Variants in NEK6 observed in about 807,000 individuals in gnomAD.
NEK6 encodes NIMA related kinase 6.
In NEK6, 27 loss-of-function variants were observed where a neutral mutation model predicts 43.5. The ratio of observed to expected loss-of-function variants is 0.62; its 90% CI spans 0.46 to 0.86. NEK6 has a LOEUF of 0.86. NEK6 is among the 40% of genes least tolerant of loss of function. NEK6 has a pLI of 0.00. For synonymous variants in NEK6, 167 were observed against 164.1 expected, an observed-to-expected ratio of 1.02 and a Z score of -0.14; for missense variants, 318 against 414.4, an observed-to-expected ratio of 0.77 and a Z score of 2.02.
At chr9:124,304,202 C>T (rs917616368) in intron 2 of NEK6, among the ~76,000 whole-genome samples, 1 of 152,256 alleles carries the variant, frequency 6.6e-6, no homozygotes, top group African/African-American at 2.4e-5. Context: ...CTCCTCGGCT[C>T]CTGAAGCCTT....
intron 7 of NEK6, among the ~76,000 whole-genome samples, chr9:124,330,271 AGG>A (rs1241585758): frequency 3.9e-5 from 6 of 152,264 alleles, no homozygotes; most frequent in African/African-American, 1.4e-4. Context: ...CATATTTGTC[AGG>A]AAGGATTGCA....
intron 1 of NEK6, among the ~76,000 whole-genome samples, chr9:124,280,433 A>C (rs749466478): frequency 6.6e-6 from 1 of 152,368 alleles, no homozygotes; most frequent in East Asian, 1.9e-4. Context: ...CGAGCACTCC[A>C]GGAGAGGGTA....
chr9:124,289,958 G>A (rs909641221), intron 1 of NEK6, among the ~76,000 whole-genome samples: 5 of 152,178 alleles, frequency 3.3e-5, no homozygotes, highest in East Asian at 1.9e-4. Context: ...CCACTCCTGC[G>A]GAGCTAAAAA....
intron 1 of NEK6, 144 bp from the exon 2 acceptor site, chr9:124,301,792 A>G (rs1041236040): frequency 1.4e-6 from 1 of 690,386 alleles, no homozygotes; most frequent in African/African-American, 1.8e-5. Context: ...TAGCCCTGCC[A>G]CTTCGGAGCT....
At chr9:124,330,315 C>G (rs750256626) in intron 7 of NEK6, among the ~76,000 whole-genome samples, 1 of 152,212 alleles carries the variant, frequency 6.6e-6, no homozygotes. Context: ...TACACGCCGG[C>G]GTAATGCAGG....
chr9:124,267,183 T>G (rs1831264493), intron 1 of NEK6, among the ~76,000 whole-genome samples: 1 of 152,258 alleles, frequency 6.6e-6, no homozygotes, highest in South Asian at 2.1e-4. Flanking sequence ...GACCCCAGAT[T>G]ACACCCCATC....
chr9:124,263,766 G>T (rs1264809259), intron 1 of NEK6, among the ~76,000 whole-genome samples: 1 of 152,226 alleles, frequency 6.6e-6, no homozygotes, highest in East Asian at 1.9e-4. Flanking sequence ...CGGAAGGGAA[G>T]GAGACAGCGC....
intron 2 of NEK6, among the ~76,000 whole-genome samples, chr9:124,304,998 C>T (rs573938445): frequency 6.6e-6 from 1 of 152,228 alleles, no homozygotes; most frequent in African/African-American, 2.4e-5. Context: ...CTAAGAACCA[C>T]GTGAATTTCC....
rs190642566 is a variant in NEK6, at chr9:124,301,846, C to T, written c.-29-90C>T. 5.3e-4 allele frequency: 555 copies of T among 1,051,532 alleles called. 4 individuals carry two copies. The African/African-American group carries it at 8.3e-3, about 16-fold the overall frequency. The allele number at this position is 1,051,532 out of a possible 1,614,324, so 65.1% of individuals were successfully genotyped here. A position where few individuals can be genotyped will look rare whatever the true frequency, so the allele number is the denominator to read the frequency against. On this transcript the variant is annotated intron_variant, in intron 1 of 9. Transcript: ENST00000320246. ...TACTGAACGGCTTTGCACCTCAGCT[C>T]ACGCATCTGTAAAATGGGGTGAGCG...
rs1178222567 is a variant in NEK6, at chr9:124,343,666, G to A, written c.717+4001G>A. Among the ~76,000 whole-genome samples, 6 of 152,118 alleles carry A rather than the reference G, an allele frequency of 3.9e-5. No individual in the cohort carries two copies. Among genetic ancestry groups the A allele is most frequent in the Non-Finnish European group, 7.4e-5 (5 of 68,012 alleles). On this transcript the variant is annotated intron_variant, in intron 8 of 9. Transcript: ENST00000320246. This position sits in a 1 kb window ranked among gnomAD's most constrained non-coding sequence, Gnocchi z 5.1. ...CCCGCAGTCACGCCCGGAGCCTCCC[G>A]CCCCACAGCCTGTGGTGTCTTCCAG...
chr9:124,333,167 G>A (rs1278463654), intron 7 of NEK6, among the ~76,000 whole-genome samples: 1 of 152,234 alleles, frequency 6.6e-6, no homozygotes, highest in African/African-American at 2.4e-5. Context: ...CAAGCTGGGG[G>A]TTTCTTTGAA....
chr9:124,330,761 C>T (rs1262536188), intron 7 of NEK6, among the ~76,000 whole-genome samples: 1 of 152,114 alleles, frequency 6.6e-6, no homozygotes, highest in African/African-American at 2.4e-5. Flanking sequence ...TGCCAGGTGG[C>T]ATGGTGAGGG....
intron 8 of NEK6, among the ~76,000 whole-genome samples, chr9:124,346,828 G>GC (rs1338199578): frequency 1.3e-5 from 2 of 152,190 alleles, no homozygotes; most frequent in African/African-American, 4.8e-5. Flanking sequence ...CAGGCCTTTC[G>GC]CTCCCCCGTG....
At chr9:124,271,045 A>G (rs1327421476) in intron 1 of NEK6, among the ~76,000 whole-genome samples, 2 of 152,224 alleles carry the variant, frequency 1.3e-5, no homozygotes, top group Non-Finnish European at 2.9e-5. Context: ...TTGAAGGGAA[A>G]GTTCTGTGTT....
At chr9:124,350,299 C>T (rs1039596350) in intron 9 of NEK6, among the ~76,000 whole-genome samples, 3 of 151,998 alleles carry the variant, frequency 2.0e-5, no homozygotes, top group Non-Finnish European at 4.4e-5. Flanking sequence ...CGATCAGAGG[C>T]GCAAGGCGCC....
chr9:124,331,274 CA>C (rs56150651), intron 7 of NEK6, among the ~76,000 whole-genome samples: 2 of 135,168 alleles, frequency 1.5e-5, no homozygotes, highest in Non-Finnish European at 3.1e-5. Context: ...AAAAAAAAAA[CA>C]AAACATTTTG....
chr9:124,274,247 G>A (rs570154554), intron 1 of NEK6, among the ~76,000 whole-genome samples: 13 of 152,378 alleles, frequency 8.5e-5, no homozygotes, highest in African/African-American at 2.2e-4. Context: ...TGTGAGCCTC[G>A]CTGTGGCAGG....
intron 7 of NEK6, among the ~76,000 whole-genome samples, chr9:124,337,136 G>C (rs1829338104): frequency 6.6e-6 from 1 of 152,224 alleles, no homozygotes; most frequent in South Asian, 2.1e-4. Context: ...CTGCTGAGGT[G>C]TTCATGCCTC....
At chr9:124,336,748 C>T (rs1330579073) in intron 7 of NEK6, among the ~76,000 whole-genome samples, 1 of 152,204 alleles carries the variant, frequency 6.6e-6, no homozygotes, top group African/African-American at 2.4e-5. Flanking sequence ...GTGGCTCACA[C>T]CTATAATCCC....
Sources: allele counts gnomAD v4.1 joint callset (sites outside exome capture counted in the v4.1 genomes callset), GRCh38; gene constraint gnomAD v4.1.1; non-coding constraint Gnocchi (gnomAD v3.1); transcripts MANE v1.5; gene names NCBI Gene and HGNC (gene_info 2026-07-23, HGNC 2026-07-21).